ANOS1: variants seen among roughly 807,000 people sequenced by gnomAD.
ANOS1 encodes anosmin-1.
ANOS1 carries 6 observed loss-of-function variants against 59.0 expected under a neutral mutation model. The ratio of observed to expected loss-of-function variants is 0.10; its 90% CI spans 0.06 to 0.20. The LOEUF (loss-of-function observed/expected upper bound fraction) is 0.20. Among genes scored for constraint, ANOS1 ranks in the 10% least tolerant of loss-of-function variants. ANOS1 has a pLI of 1.00. For synonymous variants in ANOS1, 217 were observed against 223.4 expected, an observed-to-expected ratio of 0.97 and a Z score of 0.25; for missense variants, 433 against 542.3, an observed-to-expected ratio of 0.80 and a Z score of 2.00.
intron 1 of ANOS1, among the ~76,000 whole-genome samples, chrX:8,720,323 C>T (rs1336316243): frequency 9.0e-6 from 1 of 111,280 alleles, no homozygotes; most frequent in East Asian, 2.8e-4. Context: ...AGCAAACATC[C>T]CCTGTGATGT....
chrX:8,669,102 G>A (rs1449983041), intron 2 of ANOS1, among the ~76,000 whole-genome samples: 2 of 111,906 alleles, frequency 1.8e-5, no homozygotes, highest in Non-Finnish European at 3.8e-5. Flanking sequence ...AGGGACACTT[G>A]GTGGTGCCTT....
rs1422681505 is a variant in ANOS1 at position 8,535,642 on chromosome X, T to A, written c.1791A>T (p.Arg597Ser). Residue 597 changes from arginine to serine, a missense_variant, in exon 12 of 14, where the codon AGA (arginine) becomes AGT (serine). Arg to Ser is a moderately radical substitution (Grantham distance 110). Coordinates refer to ENST00000262648, the MANE Select transcript of ANOS1 (RefSeq NM_000216.4). ...VTWAEVTTES[R>S]QNSLPNSIIS... Reference sequence around the variant, plus strand: ...TAATGCTGTTGGGTAGGCTGTTCTGTCTGCTTTCCGTAGTGACCTCAGCCC... The same window carrying A: ...TAATGCTGTTGGGTAGGCTGTTCTGACTGCTTTCCGTAGTGACCTCAGCCC... 2 of 1,209,743 alleles carry A rather than the reference T, an allele frequency of 1.7e-6. No individual in the cohort carries two copies. Among genetic ancestry groups the A allele is most frequent in the African/African-American group, 1.7e-5 (1 of 57,281 alleles).
At chrX:8,548,907 T>G (rs779603848) in intron 9 of ANOS1, among the ~76,000 whole-genome samples, 1 of 111,933 alleles carries the variant, frequency 8.9e-6, no homozygotes, top group Non-Finnish European at 1.9e-5. Flanking sequence ...GAACACTAAC[T>G]GACTGCGAGG....
chrX:8,611,528 T>G (rs1931058142), intron 3 of ANOS1, among the ~76,000 whole-genome samples: 1 of 110,957 alleles, frequency 9.0e-6, no homozygotes, highest in South Asian at 3.7e-4. Flanking sequence ...GATAATTAAC[T>G]CAAAGTATAC....
chrX:8,554,247 C>T (rs990689006), intron 8 of ANOS1, 149 bp from the exon 9 acceptor site: 4 of 502,446 alleles, frequency 8.0e-6, no homozygotes, highest in Admixed American at 2.9e-5. Context: ...ACGGAGGTAC[C>T]GGCTCATCTC....
In ANOS1 at chrX:8,553,200, A is replaced by T. The variant is rs189300521; in HGVS notation, c.1354+752T>A. ...TTGATAACAGAAAAACAAATATTCTAAGACTAAAAAAAAAAATAAACAAAA... is the reference window on the plus strand; with the variant it reads ...TTGATAACAGAAAAACAAATATTCTTAGACTAAAAAAAAAAATAAACAAAA... On this transcript the variant is annotated intron_variant, in intron 9 of 13. Transcript: ENST00000262648. Among the ~76,000 whole-genome samples, 298 of 110,801 alleles carry T rather than the reference A, an allele frequency of 2.7e-3. 2 individuals are homozygous for T. The highest frequency in any genetic ancestry group is 9.4e-3 in the African/African-American group (288 of 30,667).
At position 8,732,120 on chromosome X, in the gene ANOS1, C is replaced by T; in HGVS notation, c.-84G>A. On this transcript the variant is annotated 5_prime_UTR_variant, in exon 1 of 14. Coordinates refer to ENST00000262648, the MANE Select transcript of ANOS1 (RefSeq NM_000216.4). ...GCGCCGGGGCTGCACTGCTGAGGACCAGGCAGACGCCGCGACTGAGCCGGA... is the reference window on the plus strand; with the variant it reads ...GCGCCGGGGCTGCACTGCTGAGGACTAGGCAGACGCCGCGACTGAGCCGGA... The T allele has an allele frequency of 1.4e-6, 1 of 719,728 alleles. No individual in the cohort carries two copies. Among genetic ancestry groups the T allele is most frequent in the Non-Finnish European group, 1.7e-6 (1 of 572,618 alleles). The allele number at this position is 719,728 out of a possible 1,213,427, so 59.3% of individuals were successfully genotyped here.
intron 2 of ANOS1, among the ~76,000 whole-genome samples, chrX:8,680,883 C>T (rs1336799245): frequency 1.8e-5 from 2 of 111,961 alleles, no homozygotes; most frequent in Non-Finnish European, 3.8e-5. Context: ...AACTCTCTGC[C>T]TTCCCCATTT....
intron 2 of ANOS1, among the ~76,000 whole-genome samples, chrX:8,648,651 G>A (rs941673415): frequency 2.7e-5 from 3 of 111,335 alleles, no homozygotes; most frequent in African/African-American, 9.8e-5. Context: ...AATTGTTTGT[G>A]TTAATTTTTA....
intron 2 of ANOS1, among the ~76,000 whole-genome samples, chrX:8,696,419 T>C (rs1216878308): frequency 8.0e-5 from 9 of 112,107 alleles, no homozygotes; most frequent in Non-Finnish European, 3.8e-5. Context: ...AGGTGAGGAA[T>C]GAGCTTTCGA....
At chrX:8,664,486 C>G (rs991790909) in intron 2 of ANOS1, among the ~76,000 whole-genome samples, 1 of 110,661 alleles carries the variant, frequency 9.0e-6, no homozygotes, top group Non-Finnish European at 1.9e-5. Flanking sequence ...AGCCACCGCC[C>G]CCGGCCAGGG....
At chrX:8,653,161 G>A (rs1243707883) in intron 2 of ANOS1, among the ~76,000 whole-genome samples, 6 of 111,569 alleles carry the variant, frequency 5.4e-5, no homozygotes, top group African/African-American at 2.0e-4. Flanking sequence ...CAGCCATCAT[G>A]CTTACTTAGA....
intron 3 of ANOS1, among the ~76,000 whole-genome samples, chrX:8,603,349 A>G (rs1453490630): frequency 8.9e-6 from 1 of 112,003 alleles, no homozygotes; most frequent in East Asian, 2.8e-4. Flanking sequence ...TGCAGTATTA[A>G]TGAATTCTCA....
chrX:8,619,325 G>T, intron 3 of ANOS1, among the ~76,000 whole-genome samples: 1 of 111,250 alleles, frequency 9.0e-6, no homozygotes, highest in Middle Eastern at 4.6e-3. Flanking sequence ...ACATTTATTG[G>T]CCGGGCAAGG....
At chrX:8,545,336 G>C (rs1250595916) in intron 9 of ANOS1, among the ~76,000 whole-genome samples, 2 of 100,459 alleles carry the variant, frequency 2.0e-5, no homozygotes, top group African/African-American at 7.3e-5. Flanking sequence ...AAAGAGGAGA[G>C]GAGAAGAAAG....
chrX:8,613,582 T>C (rs887656480), intron 3 of ANOS1, among the ~76,000 whole-genome samples: 9 of 111,134 alleles, frequency 8.1e-5, no homozygotes, highest in Admixed American at 1.9e-4. Context: ...CCATAGACTA[T>C]CACTGCACAA....
At chrX:8,719,518 C>T (rs765607844) in intron 1 of ANOS1, among the ~76,000 whole-genome samples, 1 of 111,325 alleles carries the variant, frequency 9.0e-6, no homozygotes, top group Non-Finnish European at 1.9e-5. Context: ...GTAGCTGGGA[C>T]TACAGGTGCG....
In ANOS1 at chrX:8,636,977, C is replaced by T. The variant is rs780613993; in HGVS notation, c.256-13307G>A. ...ATGGAAAACTCCGTTTATAATAGAA[C>T]CTGTTTGGCCTTTAACCCAAACTTG... On this transcript the variant is annotated intron_variant, in intron 2 of 13. Coordinates refer to ENST00000262648, the MANE Select transcript of ANOS1 (RefSeq NM_000216.4). Among the ~76,000 whole-genome samples the T allele has an allele frequency of 2.7e-5, 3 of 112,407 alleles. No individual in the cohort carries two copies. In the South Asian group the frequency reaches 1.1e-3, roughly 42 times the overall value.
At chrX:8,541,412 C>T (rs768247338) in intron 9 of ANOS1, among the ~76,000 whole-genome samples, 18 of 100,983 alleles carry the variant, frequency 1.8e-4, no homozygotes, top group Admixed American at 8.7e-4. Context: ...TCCCACCACC[C>T]CCCCCCCAAA....
Sources: gnomAD v4.1 joint callset for allele counts (sites outside exome capture counted in the v4.1 genomes callset) on GRCh38, gnomAD v4.1.1 for gene constraint, MANE v1.5 for transcripts, NCBI Gene and HGNC (gene_info 2026-07-23, HGNC 2026-07-21) for gene names.